CERKL: variants seen among roughly 807,000 people sequenced by gnomAD.
CERKL encodes the protein ceramide kinase-like protein.
In CERKL, 61 loss-of-function variants were observed where a neutral mutation model predicts 63.4. The ratio of observed to expected loss-of-function variants is 0.96; its 90% CI spans 0.78 to 1.19. The LOEUF (loss-of-function observed/expected upper bound fraction) is 1.19, where lower values mean the gene tolerates loss of function less well. CERKL is among the 50% of genes most tolerant of loss of function. The probability of loss-of-function intolerance (pLI) is 0.00; values close to 1 mark genes in which losing one functional copy is unlikely to be tolerated. For missense variants in CERKL, 675 were observed against 655.5 expected, an observed-to-expected ratio of 1.03 and a Z score of -0.33; for synonymous variants, 250 against 230.5, an observed-to-expected ratio of 1.08 and a Z score of -0.77.
intron 1 of CERKL, among the ~76,000 whole-genome samples, chr2:181,639,488 AT>A (rs767232489): frequency 1.8e-4 from 27 of 152,192 alleles, no homozygotes; most frequent in Non-Finnish European, 1.3e-4. Flanking sequence ...CATTTTCTTC[AT>A]TTGTTCAGAA....
chr2:181,620,428 A>G (rs1202394211), intron 1 of CERKL, among the ~76,000 whole-genome samples: 1 of 152,120 alleles, frequency 6.6e-6, no homozygotes, highest in Non-Finnish European at 1.5e-5. Flanking sequence ...CTACTTAGAA[A>G]CACTAAAAGT....
rs1457832711 is a variant in CERKL, at chr2:181,604,059, G to T, written c.259C>A (p.Leu87Ile). Residue 87 changes from leucine (L) to isoleucine (I), a missense_variant, in exon 2 of 13, where the codon CTA becomes ATA. Transcript: ENST00000410087. ...AGTTCAATAAATTCTTCTTTACATA[G>T]CAAGTCATACTTAGAATCACCTGAA... ...RPAGDSKYDLLCKEEFIELKD... is the reference protein window; with the variant it reads ...RPAGDSKYDLICKEEFIELKD... 6.2e-7 allele frequency: 1 copy of T among 1,600,188 alleles called. No homozygotes were observed. The highest frequency in any genetic ancestry group is 8.6e-7 in the Non-Finnish European group (1 of 1,168,722).
At chr2:181,604,750 A>G (rs1159232331) in intron 1 of CERKL, among the ~76,000 whole-genome samples, 4 of 152,234 alleles carry the variant, frequency 2.6e-5, no homozygotes, top group Non-Finnish European at 5.9e-5. Flanking sequence ...CATTCCCATT[A>G]AAGTAACACA....
chr2:181,550,170 A>G lies in CERKL; in HGVS notation c.821-462T>C, dbSNP rs375480252. On this transcript the variant is annotated intron_variant, in intron 5 of 12. Coordinates refer to ENST00000410087, the MANE Select transcript of CERKL (RefSeq NM_201548.5). The surrounding 1 kb of genome is among the most constrained non-coding windows in gnomAD (Gnocchi z 4.5). ...AAATAAAATAACTACAAACTACAAAAAATATGCTCTAAACACATTTAATGA... is the reference window on the plus strand; with the variant it reads ...AAATAAAATAACTACAAACTACAAAGAATATGCTCTAAACACATTTAATGA... Among the ~76,000 whole-genome samples the G allele has an allele frequency of 1.2e-4, 18 of 152,326 alleles. No homozygotes were observed. In the East Asian group the frequency reaches 2.3e-3, roughly 20 times the overall value.
intron 3 of CERKL, among the ~76,000 whole-genome samples, chr2:181,572,782 T>C (rs1007265880): frequency 4.1e-5 from 6 of 147,458 alleles, no homozygotes; most frequent in Non-Finnish European, 9.0e-5. Flanking sequence ...AAAACTTGCT[T>C]TTTTTTTTTT....
At chr2:181,646,456 T>C (rs1031797909) in intron 1 of CERKL, among the ~76,000 whole-genome samples, 17 of 152,334 alleles carry the variant, frequency 1.1e-4, no homozygotes, top group African/African-American at 3.6e-4. Flanking sequence ...TCCATAACCA[T>C]GATAGGGAAC....
At chr2:181,606,265 TG>T (rs1685678495) in intron 1 of CERKL, among the ~76,000 whole-genome samples, 1 of 22,838 alleles carries the variant, frequency 4.4e-5, no homozygotes. Context: ...AGACAGGGAG[TG>T]GGGGGTGGGA....
At chr2:181,626,640 G>T (rs1432824008) in intron 1 of CERKL, among the ~76,000 whole-genome samples, 2 of 152,182 alleles carry the variant, frequency 1.3e-5, no homozygotes, top group Non-Finnish European at 1.5e-5. Flanking sequence ...AAATTCCTCA[G>T]AAAGGAAATC....
chr2:181,632,819 A>G (rs1687024603), intron 1 of CERKL, among the ~76,000 whole-genome samples: 1 of 152,116 alleles, frequency 6.6e-6, no homozygotes, highest in East Asian at 1.9e-4. Flanking sequence ...ACTCAAAGTA[A>G]ATGGCCTGCT....
At chr2:181,552,272 C>T (rs991108842) in intron 5 of CERKL, among the ~76,000 whole-genome samples, 1 of 152,082 alleles carries the variant, frequency 6.6e-6, no homozygotes, top group Non-Finnish European at 1.5e-5. Flanking sequence ...GTGTCCCTAC[C>T]GAAATCTCAT....
At chr2:181,573,488 A>G (rs142112000) in intron 3 of CERKL, among the ~76,000 whole-genome samples, 175 of 152,328 alleles carry the variant, frequency 1.1e-3, no homozygotes, top group African/African-American at 4.0e-3. Context: ...ACAAGTATAC[A>G]GCTTCCTTTG....
chr2:181,554,552 C>G lies in CERKL; in HGVS notation c.820+4014G>C, dbSNP rs187239087. On this transcript the variant is annotated intron_variant, in intron 5 of 12. Transcript: ENST00000410087. ...TTTTTATGTCCTCTCAGGCTTTTTT[C>G]TCCATTCCCCCTCCCCCTTTTAATC... is the stretch of plus-strand genomic sequence containing the variant. 2.4e-4 allele frequency among the ~76,000 whole-genome samples: 37 copies of G among 152,126 alleles called. No individual in the cohort carries two copies. The East Asian group carries it at 6.8e-3, about 28-fold the overall frequency.
At chr2:181,600,187 C>T (rs900374012) in intron 2 of CERKL, among the ~76,000 whole-genome samples, 5 of 152,200 alleles carry the variant, frequency 3.3e-5, no homozygotes, top group Non-Finnish European at 7.4e-5. Context: ...ACCTGCCATA[C>T]AAGAAATACT....
In CERKL at chr2:181,558,327, C is replaced by T. The variant is rs1357287621; in HGVS notation, c.820+239G>A. Among the ~76,000 whole-genome samples, 4 of 152,036 alleles carry T rather than the reference C, an allele frequency of 2.6e-5. No homozygotes were observed. The highest frequency in any genetic ancestry group is 5.9e-5 in the Non-Finnish European group (4 of 68,020). ...TTTACTAAACCAAACGTTAGTACTA[C>T]AATAACCTTGTAATAAAGTGAATAA... On this transcript the variant is annotated intron_variant, in intron 5 of 12. Coordinates refer to ENST00000410087, the MANE Select transcript of CERKL (RefSeq NM_201548.5). This position sits in a 1 kb window ranked among gnomAD's most constrained non-coding sequence, Gnocchi z 4.2.
At chr2:181,612,078 GC>G (rs1158564811) in intron 1 of CERKL, among the ~76,000 whole-genome samples, 2 of 152,140 alleles carry the variant, frequency 1.3e-5, no homozygotes, top group African/African-American at 4.8e-5. Flanking sequence ...AAAACTAGAT[GC>G]TTTTTCCTAA....
In CERKL at chr2:181,565,385, T is replaced by C. The variant is rs565812594; in HGVS notation, c.677+673A>G. The C allele has an allele frequency of 4.9e-5, 66 of 1,340,498 alleles. No individual in the cohort carries two copies. The Middle Eastern group carries it at 9.0e-4, about 18-fold the overall frequency. The allele number at this position is 1,340,498 out of a possible 1,614,324, so 83.0% of individuals were successfully genotyped here. ...CACATCAGTCCAACACTTTAGCAAA[T>C]TGGTTCACCTAATTTTAAAAAATGG... On this transcript the variant is annotated intron_variant, in intron 4 of 12. Coordinates refer to ENST00000410087, the MANE Select transcript of CERKL (RefSeq NM_201548.5).
chr2:181,657,041 C>G lies in CERKL; in HGVS notation c.-35G>C. 3 of 1,543,842 alleles carry G rather than the reference C, an allele frequency of 1.9e-6. No individual in the cohort carries two copies. Among genetic ancestry groups the G allele is most frequent in the Non-Finnish European group, 2.6e-6 (3 of 1,143,076 alleles). On this transcript the variant is annotated 5_prime_UTR_variant, in exon 1 of 13. Transcript: ENST00000410087. ...GCAGGCTGGGCCCGAGCCAGGGGTCCGGGGAGGCCTTTGGAGAAGGAGGTG... is the reference window on the plus strand; with the variant it reads ...GCAGGCTGGGCCCGAGCCAGGGGTCGGGGGAGGCCTTTGGAGAAGGAGGTG...
At chr2:181,590,053 C>T (rs371982245) in intron 2 of CERKL, among the ~76,000 whole-genome samples, 4 of 151,722 alleles carry the variant, frequency 2.6e-5, no homozygotes, top group Admixed American at 6.6e-5. Context: ...AGTTCCTGGG[C>T]GCAAATGATT....
chr2:181,612,644 A>T (rs1255698882), intron 1 of CERKL, among the ~76,000 whole-genome samples: 4 of 151,946 alleles, frequency 2.6e-5, no homozygotes, highest in Admixed American at 6.6e-5. Flanking sequence ...ATGGACTTTT[A>T]AAAAAAACTA....
Sources: allele counts gnomAD v4.1 joint callset (sites outside exome capture counted in the v4.1 genomes callset), GRCh38; gene constraint gnomAD v4.1.1; non-coding constraint Gnocchi (gnomAD v3.1); transcripts MANE v1.5; gene names NCBI Gene and HGNC (gene_info 2026-07-23, HGNC 2026-07-21).